Variants in SHISA9 observed in about 807,000 individuals in gnomAD.
SHISA9 encodes protein shisa-9.
SHISA9 carries 13 observed loss-of-function variants against 38.0 expected under a neutral mutation model. That is an observed-to-expected ratio of 0.34 (90% confidence interval 0.22 to 0.54). SHISA9 has a LOEUF of 0.54. Among genes scored for constraint, SHISA9 ranks in the 20% least tolerant of loss-of-function variants. The pLI, the probability that SHISA9 is intolerant of heterozygous loss-of-function variation, is 0.91. For missense variants in SHISA9, 538 were observed against 575.8 expected, an observed-to-expected ratio of 0.93 and a Z score of 0.67; for synonymous variants, 275 against 242.0, an observed-to-expected ratio of 1.14 and a Z score of -1.27.
At chr16:13,079,289 A>T (rs1049834501) in intron 2 of SHISA9, among the ~76,000 whole-genome samples, 13 of 152,228 alleles carry the variant, frequency 8.5e-5, no homozygotes, top group Admixed American at 3.3e-4. Flanking sequence ...CTTATCTGGG[A>T]AAACATGGAT....
the SHISA9 span, among the ~76,000 whole-genome samples, chr16:13,415,787 A>C: frequency 0.7 from 105,999 of 151,642 alleles, 37,340 homozygotes; most frequent in East Asian, 0.81. Context: ...GATTTAATTG[A>C]AAATCCAGTA....
At position 13,045,626 on chromosome 16, in the gene SHISA9, G is replaced by A. The variant is rs1474872357; in HGVS notation, c.691+128811G>A. ...GGAGAGGGAGAGGGAGAGGGAGAGG[G>A]AGAGGGAGAGGGAGAAATCAGTAAC... On this transcript the variant is annotated intron_variant, in intron 2 of 4. Transcript: ENST00000558583. 3.3e-5 allele frequency among the ~76,000 whole-genome samples: 5 copies of A among 150,840 alleles called. No individual in the cohort carries two copies. In the South Asian group the frequency reaches 1.0e-3, roughly 31 times the overall value.
At chr16:12,974,111 G>A (rs1304101200) in intron 2 of SHISA9, among the ~76,000 whole-genome samples, 2 of 152,122 alleles carry the variant, frequency 1.3e-5, no homozygotes, top group East Asian at 1.9e-4. Context: ...GGCCTAGGAA[G>A]AAAAGGGACC....
At chr16:13,454,629 C>A in the SHISA9 span, among the ~76,000 whole-genome samples, 5 of 152,172 alleles carry the variant, frequency 3.3e-5, no homozygotes, top group Non-Finnish European at 4.4e-5. Context: ...CAAATATAGG[C>A]AGACTTGCTC....
intron 2 of SHISA9, among the ~76,000 whole-genome samples, chr16:12,942,940 C>G (rs2071630661): frequency 2.0e-5 from 3 of 152,218 alleles, no homozygotes; most frequent in African/African-American, 4.8e-5. Context: ...GGCTCTATCT[C>G]TAGATTTTGT....
chr16:13,539,340 TATAAAG>T, the SHISA9 span, among the ~76,000 whole-genome samples: 2,569 of 42,120 alleles, frequency 0.061, 249 homozygotes, highest in East Asian at 0.41. Context: ...TTTATATATA[TATAAAG>T]ATATATATAT....
At chr16:13,561,387 C>A in the SHISA9 span, among the ~76,000 whole-genome samples, 2 of 152,148 alleles carry the variant, frequency 1.3e-5, no homozygotes, top group Non-Finnish European at 2.9e-5. Context: ...CATTACAATA[C>A]CCCAGAGAGA....
the SHISA9 span, among the ~76,000 whole-genome samples, chr16:13,361,431 A>G: frequency 2.6e-5 from 4 of 152,168 alleles, no homozygotes; most frequent in Non-Finnish European, 4.4e-5. Context: ...TTCTTTCTCT[A>G]TTAACCTTCA....
At chr16:12,946,022 T>A (rs2071684212) in intron 2 of SHISA9, among the ~76,000 whole-genome samples, 1 of 152,206 alleles carries the variant, frequency 6.6e-6, no homozygotes, top group South Asian at 2.1e-4. Context: ...GCATGAGAAC[T>A]GCTTGAACCT....
chr16:13,351,993 C>T, the SHISA9 span, among the ~76,000 whole-genome samples: 1 of 152,144 alleles, frequency 6.6e-6, no homozygotes, highest in African/African-American at 2.4e-5. Context: ...CTGGCTCCTG[C>T]CCGAATAGAA....
intron 1 of SHISA9, among the ~76,000 whole-genome samples, chr16:12,908,012 C>T (rs1468908881): frequency 6.6e-6 from 1 of 152,216 alleles, no homozygotes; most frequent in Non-Finnish European, 1.5e-5. Flanking sequence ...AGCTCAGCCA[C>T]TTAATAGCTG....
chr16:13,457,118 C>T, the SHISA9 span, among the ~76,000 whole-genome samples: 4 of 152,182 alleles, frequency 2.6e-5, no homozygotes, highest in Non-Finnish European at 4.4e-5. Context: ...ACCAGCCTGA[C>T]CAATGTGGAG....
chr16:13,293,654 T>A, the SHISA9 span, among the ~76,000 whole-genome samples: 1 of 152,232 alleles, frequency 6.6e-6, no homozygotes, highest in South Asian at 2.1e-4. Flanking sequence ...TCTCCTCACT[T>A]ATTTCCTTTT....
At chr16:12,943,314 TGTGTGTGTGTGTGTGTGAGAGAGAGAGA>T (rs2071640482) in intron 2 of SHISA9, among the ~76,000 whole-genome samples, 40 of 41,758 alleles carry the variant, frequency 9.6e-4, no homozygotes, top group Middle Eastern at 0.015. Flanking sequence ...TGTGTGTGTG[TGTGTGTGTGTGTGTGTGAGAGAGAGAGA>T]GAGAGAGAGA....
At chr16:13,048,204 T>G (rs1006851164) in intron 2 of SHISA9, among the ~76,000 whole-genome samples, 1 of 152,256 alleles carries the variant, frequency 6.6e-6, no homozygotes, top group South Asian at 2.1e-4. Flanking sequence ...ACTCCTGTTT[T>G]GATAAATGGC....
At chr16:13,032,805 T>C (rs1167185163) in intron 2 of SHISA9, among the ~76,000 whole-genome samples, 1 of 152,204 alleles carries the variant, frequency 6.6e-6, no homozygotes. Context: ...TAGAGATCTC[T>C]CACAGACAGG....
At chr16:13,271,027 G>T in the SHISA9 span, among the ~76,000 whole-genome samples, 1 of 152,188 alleles carries the variant, frequency 6.6e-6, no homozygotes, top group Non-Finnish European at 1.5e-5. Context: ...GTTTAGGAAA[G>T]TGTGCATACT....
chr16:13,246,523 A>G, the SHISA9 span: 37 of 152,202 alleles, frequency 2.4e-4, no homozygotes, highest in African/African-American at 8.9e-4. Flanking sequence ...TAATCATCGT[A>G]ATGCTAATAG....
the SHISA9 span, among the ~76,000 whole-genome samples, chr16:13,324,569 A>T: frequency 6.6e-6 from 1 of 152,152 alleles, no homozygotes; most frequent in East Asian, 1.9e-4. Context: ...GTTTTTTTCA[A>T]TCTAGGCATC....
Sources: allele counts gnomAD v4.1 joint callset (sites outside exome capture counted in the v4.1 genomes callset), GRCh38; gene constraint gnomAD v4.1.1; transcripts MANE v1.5; gene names NCBI Gene and HGNC (gene_info 2026-07-23, HGNC 2026-07-21).